The following AXIN1 variants were observed in gnomAD, a reference collection of about 807,000 sequenced individuals.
AXIN1 encodes axin 1.
In AXIN1, 30 loss-of-function variants were observed where a neutral mutation model predicts 76.4. That is an observed-to-expected ratio of 0.39 (90% confidence interval 0.29 to 0.53). The LOEUF is 0.53. Among genes scored for constraint, AXIN1 ranks in the 20% least tolerant of loss-of-function variants. The pLI, the probability that AXIN1 is intolerant of heterozygous loss-of-function variation, is 0.66. For missense variants in AXIN1, 1,140 were observed against 1,198.8 expected (o/e 0.95, Z 0.72); for synonymous variants, 545 against 501.4 (o/e 1.09, Z -1.16).
intron 1 of AXIN1, among the ~76,000 whole-genome samples, chr16:347,993 G>A (rs571617270): frequency 6.6e-6 from 1 of 152,222 alleles, no homozygotes; most frequent in African/African-American, 2.4e-5. Flanking sequence ...GGAAGCTATA[G>A]TTCATGTGAC....
At chr16:310,546 G>A (rs1407600531) in intron 3 of AXIN1, among the ~76,000 whole-genome samples, 2 of 152,126 alleles carry the variant, frequency 1.3e-5, no homozygotes, top group South Asian at 2.1e-4. Flanking sequence ...ACAGGTGCCC[G>A]CCACCACGCC....
At chr16:322,562 C>CTTG (rs1008378195) in intron 2 of AXIN1, among the ~76,000 whole-genome samples, 9 of 152,318 alleles carry the variant, frequency 5.9e-5, no homozygotes, top group Non-Finnish European at 1.3e-4. Flanking sequence ...ATCCTCCTCT[C>CTTG]CAAAGCAAGT....
Position 293,215 on chromosome 16 carries a change from C to G in AXIN1, c.2186+273G>C. 1 of 528,256 alleles carries G rather than the reference C, an allele frequency of 1.9e-6. No homozygotes were observed. Among genetic ancestry groups the G allele is most frequent in the African/African-American group, 1.9e-5 (1 of 52,676 alleles). 32.7% of individuals were successfully genotyped at this position (528,256 alleles called of 1,614,324 possible). On this transcript the variant is annotated intron_variant, in intron 8 of 10. Coordinates refer to ENST00000262320, the MANE Select transcript of AXIN1 (RefSeq NM_003502.4). The surrounding 1 kb of genome is among the most constrained non-coding windows in gnomAD (Gnocchi z 4.6). ...TGGGGCCCTGCAGCCTCCCTGCAGACTGGGCTCAGGTTGAGGAGGGACCCC... is the reference window on the plus strand; with the variant it reads ...TGGGGCCCTGCAGCCTCCCTGCAGAGTGGGCTCAGGTTGAGGAGGGACCCC...
At position 344,709 on chromosome 16, in the gene AXIN1, G is replaced by A. The variant is rs575437555; in HGVS notation, c.878+1439C>T. 7.9e-5 allele frequency among the ~76,000 whole-genome samples: 12 copies of A among 152,152 alleles called. No homozygotes were observed. In the East Asian group the frequency reaches 1.2e-3, roughly 15 times the overall value. On this transcript the variant is annotated intron_variant, in intron 2 of 10. Coordinates refer to ENST00000262320, the MANE Select transcript of AXIN1 (RefSeq NM_003502.4). The stretch of plus-strand genomic sequence containing the variant: ...TCACCACGTTGGCCAGGATGGTCTC[G>A]AACTCCCGACCTCAGGTGATTCGCC...
At chr16:348,966 T>C (rs1383220791) in intron 1 of AXIN1, among the ~76,000 whole-genome samples, 2 of 151,468 alleles carry the variant, frequency 1.3e-5, no homozygotes, top group African/African-American at 4.9e-5. Context: ...GGCATGGTGG[T>C]GGGCACCTGC....
At chr16:295,298 G>A (rs990814030) in intron 7 of AXIN1, among the ~76,000 whole-genome samples, 1 of 151,708 alleles carries the variant, frequency 6.6e-6, no homozygotes, top group Non-Finnish European at 1.5e-5. Context: ...TAGTAGAGAT[G>A]GAGTTTTTGT....
chr16:310,703 G>C (rs1198271220), intron 3 of AXIN1, among the ~76,000 whole-genome samples: 2 of 152,092 alleles, frequency 1.3e-5, no homozygotes, highest in African/African-American at 4.8e-5. Flanking sequence ...GCCCGGCCAA[G>C]GTTTCTACAT....
intron 2 of AXIN1, among the ~76,000 whole-genome samples, chr16:343,575 C>T (rs1001396279): frequency 2.6e-4 from 39 of 150,854 alleles, no homozygotes; most frequent in African/African-American, 9.0e-4. Flanking sequence ...TGGTAGCTCA[C>T]ACTTGTAATC....
chr16:312,644 CA>C (rs1317264749), intron 3 of AXIN1, among the ~76,000 whole-genome samples: 1 of 152,152 alleles, frequency 6.6e-6, no homozygotes, highest in African/African-American at 2.4e-5. Context: ...AAAATCACGT[CA>C]ACATTTTATT....
At chr16:333,379 A>G (rs903145607) in intron 2 of AXIN1, among the ~76,000 whole-genome samples, 1 of 149,990 alleles carries the variant, frequency 6.7e-6, no homozygotes, top group Non-Finnish European at 1.5e-5. Flanking sequence ...AGTCCCAGCT[A>G]CTCTGGAGGC....
intron 2 of AXIN1, among the ~76,000 whole-genome samples, chr16:342,261 G>A (rs906435927): frequency 1.3e-5 from 2 of 152,098 alleles, no homozygotes; most frequent in Non-Finnish European, 2.9e-5. Context: ...AAGAAACTCC[G>A]AACACCTCCG....
chr16:316,379 TCCA>T (rs1218199053), intron 2 of AXIN1, among the ~76,000 whole-genome samples: 5 of 152,370 alleles, frequency 3.3e-5, no homozygotes, highest in African/African-American at 1.2e-4. Flanking sequence ...AGCGCCTCTC[TCCA>T]CCACATCTAA....
At chr16:340,418 C>A (rs372908701) in intron 2 of AXIN1, among the ~76,000 whole-genome samples, 1 of 152,228 alleles carries the variant, frequency 6.6e-6, no homozygotes, top group Admixed American at 6.5e-5. Flanking sequence ...AAGGGGCCAG[C>A]GGCGAGGAGA....
chr16:347,092 G>A lies in AXIN1; in HGVS notation c.-67C>T, dbSNP rs927829281. The A allele has an allele frequency of 6.2e-6, 10 of 1,611,462 alleles. No homozygotes were observed. Among genetic ancestry groups the A allele is most frequent in the South Asian group, 1.1e-5 (1 of 90,790 alleles). The stretch of plus-strand genomic sequence containing the variant: ...ATACATCAGTACTTACAGCTCCAAA[G>A]TGAATCAATCTGTCCTGTTGAAACC... On this transcript the variant is annotated 5_prime_UTR_variant, in exon 2 of 11. Transcript: ENST00000262320.
chr16:290,931 G>A (rs1447994453), intron 9 of AXIN1: 4 of 555,258 alleles, frequency 7.2e-6, no homozygotes, highest in East Asian at 6.2e-5. Flanking sequence ...GGATGCAGGG[G>A]CTGGCTGTGC....
chr16:350,494 G>C (rs1036752764), intron 1 of AXIN1, among the ~76,000 whole-genome samples: 1 of 152,168 alleles, frequency 6.6e-6, no homozygotes, highest in Non-Finnish European at 1.5e-5. Context: ...ATATGCTCCA[G>C]GCATCATGGC....
intron 2 of AXIN1, among the ~76,000 whole-genome samples, chr16:343,268 G>C (rs111516325): frequency 2.6e-5 from 4 of 152,334 alleles, no homozygotes; most frequent in South Asian, 2.1e-4. Context: ...GCAAACCAAG[G>C]ACAGACAGCA....
At position 346,744 on chromosome 16, in the gene AXIN1, A is replaced by G. The variant is rs2141706459; in HGVS notation, c.282T>C (p.Asp94=). The change falls in exon 2 of 11, where the codon GAT becomes GAC. Residue 94 remains aspartate (D), a synonymous_variant. Transcript: ENST00000262320. ...TGAACAGGCTTATCCCATCTTGGTC[A>G]TCCAGCAGGGAATGCAGTGACTCAG... The part of the protein sequence containing the change: ...KWAESLHSLL[D]DQDGISLFRT... 1 of 1,600,202 alleles carries G rather than the reference A, an allele frequency of 6.2e-7. No homozygotes were observed. Among genetic ancestry groups the G allele is most frequent in the Non-Finnish European group, 8.5e-7 (1 of 1,170,946 alleles).
chr16:326,394 T>TATATACATATATATATATATACACAC (rs144093618), intron 2 of AXIN1, among the ~76,000 whole-genome samples: 5 of 119,660 alleles, frequency 4.2e-5, no homozygotes, highest in African/African-American at 1.8e-4. Context: ...TATATATATA[T>TATATACATATATATATATATACACAC]ACACACCTAT....
Sources: allele counts gnomAD v4.1 joint callset (sites outside exome capture counted in the v4.1 genomes callset), GRCh38; gene constraint gnomAD v4.1.1; non-coding constraint Gnocchi (gnomAD v3.1); transcripts MANE v1.5; gene names NCBI Gene and HGNC (gene_info 2026-07-23, HGNC 2026-07-21).